CLSTN2: variants seen among roughly 807,000 people sequenced by gnomAD.
CLSTN2 encodes the protein calsyntenin 2.
A neutral mutation model predicts 101.2 loss-of-function variants in CLSTN2; 48 were observed. That is an observed-to-expected ratio of 0.47 (90% CI 0.38 to 0.60). The LOEUF (loss-of-function observed/expected upper bound fraction) is 0.60, where lower values mean the gene tolerates loss of function less well. CLSTN2 is among the 20% of genes least tolerant of loss of function. The pLI, the probability that CLSTN2 is intolerant of heterozygous loss-of-function variation, is 0.00. For synonymous variants in CLSTN2, 481 were observed against 463.6 expected, an observed-to-expected ratio of 1.04 and a Z score of -0.48; for missense variants, 1,160 against 1,238.2, an observed-to-expected ratio of 0.94 and a Z score of 0.95.
intron 2 of CLSTN2, among the ~76,000 whole-genome samples, chr3:140,339,381 G>A (rs748718563): frequency 6.6e-6 from 1 of 152,056 alleles, no homozygotes; most frequent in African/African-American, 2.4e-5. Context: ...GAGGCCCTTT[G>A]GAATTATAGT....
intron 2 of CLSTN2, among the ~76,000 whole-genome samples, chr3:140,236,612 G>A (rs2086419199): frequency 6.6e-6 from 1 of 152,014 alleles, no homozygotes; most frequent in African/African-American, 2.4e-5. Context: ...ATGTTAGGCT[G>A]CTTCTCTTCC....
rs1395952481 is a variant in CLSTN2 at position 140,442,712 on chromosome 3, G to A, written c.788-5807G>A. 2.0e-5 allele frequency among the ~76,000 whole-genome samples: 3 copies of A among 152,158 alleles called. No individual in the cohort carries two copies. The East Asian group carries it at 5.8e-4, about 29-fold the overall frequency. On this transcript the variant is annotated intron_variant, in intron 5 of 16. Coordinates refer to ENST00000458420, the MANE Select transcript of CLSTN2 (RefSeq NM_022131.3). Reference sequence around the variant, plus strand: ...ACCAGGACTAACCCAACTGCTGAATGATGGCTCTGAAGCAGTCTGGATAGT... The same window carrying A: ...ACCAGGACTAACCCAACTGCTGAATAATGGCTCTGAAGCAGTCTGGATAGT...
chr3:140,096,063 G>A (rs535803045), intron 1 of CLSTN2, among the ~76,000 whole-genome samples: 4 of 152,136 alleles, frequency 2.6e-5, no homozygotes, highest in Admixed American at 6.5e-5. Flanking sequence ...AAACAAGAGC[G>A]CCTTTCTCAG....
At chr3:140,158,924 G>A (rs1213762586) in intron 1 of CLSTN2, among the ~76,000 whole-genome samples, 1 of 152,048 alleles carries the variant, frequency 6.6e-6, no homozygotes, top group Non-Finnish European at 1.5e-5. Context: ...GATAAGCAAT[G>A]GGGGAAAGAA....
chr3:140,495,867 C>G (rs1240066409), intron 8 of CLSTN2, among the ~76,000 whole-genome samples: 1 of 151,902 alleles, frequency 6.6e-6, no homozygotes, highest in Non-Finnish European at 1.5e-5. Flanking sequence ...GTTACTGTAC[C>G]CTTGTAGTAT....
intron 2 of CLSTN2, among the ~76,000 whole-genome samples, chr3:140,202,164 A>G (rs747884561): frequency 1.6e-4 from 24 of 152,294 alleles, no homozygotes; most frequent in Non-Finnish European, 2.9e-4. Context: ...CAGGGGTTTG[A>G]GCAGAAGAGT....
intron 1 of CLSTN2, among the ~76,000 whole-genome samples, chr3:140,079,717 C>A (rs2008554005): frequency 6.8e-6 from 1 of 146,684 alleles, no homozygotes; most frequent in Non-Finnish European, 1.5e-5. Context: ...TGCCACTGCA[C>A]TCCAGCCTGG....
intron 1 of CLSTN2, among the ~76,000 whole-genome samples, chr3:140,040,267 C>T (rs1437823338): frequency 1.3e-5 from 2 of 152,126 alleles, no homozygotes; most frequent in African/African-American, 4.8e-5. Context: ...ACTGCGCTAT[C>T]CGTGTGCTCT....
At chr3:140,099,793 T>A (rs1387324286) in intron 1 of CLSTN2, among the ~76,000 whole-genome samples, 1 of 152,190 alleles carries the variant, frequency 6.6e-6, no homozygotes, top group East Asian at 1.9e-4. Context: ...TTGCCAACCC[T>A]GAAGAAAATG....
At chr3:140,309,462 C>A (rs1262482679) in intron 2 of CLSTN2, among the ~76,000 whole-genome samples, 1 of 152,098 alleles carries the variant, frequency 6.6e-6, no homozygotes, top group East Asian at 1.9e-4. Context: ...GAGGCAGGTA[C>A]CCCAGAGGCT....
rs2007685861 is a variant in CLSTN2, at chr3:140,037,845, A to G, written c.109+102362A>G. 3.3e-5 allele frequency among the ~76,000 whole-genome samples: 5 copies of G among 152,064 alleles called. No homozygotes were observed. In the South Asian group the frequency reaches 1.0e-3, roughly 31 times the overall value. On this transcript the variant is annotated intron_variant, in intron 1 of 16. Transcript: ENST00000458420. The stretch of plus-strand genomic sequence containing the variant: ...GTTTGCTGAGGATAGTGGCTTCCAA[A>G]TCTATCCATGTGCCTCCAAAAAACA...
rs1576449445 is a variant in CLSTN2, at chr3:140,158,192, G to A, written c.110-17759G>A. Among the ~76,000 whole-genome samples, 5 of 152,280 alleles carry A rather than the reference G, an allele frequency of 3.3e-5. No individual in the cohort carries two copies. The South Asian group carries it at 1.0e-3, about 32-fold the overall frequency. On this transcript the variant is annotated intron_variant, in intron 1 of 16. Coordinates refer to ENST00000458420, the MANE Select transcript of CLSTN2 (RefSeq NM_022131.3). ...ACCACTCGTATTCAACATAGTACTGGAAGTCCTAGCCAGAGCAATCAGGCA... is the reference window on the plus strand; with the variant it reads ...ACCACTCGTATTCAACATAGTACTGAAAGTCCTAGCCAGAGCAATCAGGCA...
intron 1 of CLSTN2, among the ~76,000 whole-genome samples, chr3:140,160,667 C>T (rs1235468190): frequency 1.3e-5 from 2 of 151,902 alleles, no homozygotes; most frequent in Non-Finnish European, 2.9e-5. Flanking sequence ...TTATTATCCC[C>T]AGAAGTATTG....
intron 1 of CLSTN2, among the ~76,000 whole-genome samples, chr3:140,022,497 G>A (rs1386438608): frequency 6.6e-6 from 1 of 152,212 alleles, no homozygotes; most frequent in East Asian, 1.9e-4. Flanking sequence ...GCGTGTGAGA[G>A]GCCCAGACAG....
chr3:140,319,046 T>G (rs2087258052), intron 2 of CLSTN2, among the ~76,000 whole-genome samples: 1 of 152,222 alleles, frequency 6.6e-6, no homozygotes, highest in African/African-American at 2.4e-5. Context: ...AATTTTATAC[T>G]GTTTACTAAC....
At chr3:140,220,838 A>G (rs1374815015) in intron 2 of CLSTN2, among the ~76,000 whole-genome samples, 1 of 152,332 alleles carries the variant, frequency 6.6e-6, no homozygotes, top group East Asian at 1.9e-4. Flanking sequence ...TGAAACTCAT[A>G]GATGCCTCTA....
chr3:140,004,459 A>G (rs1477746337), intron 1 of CLSTN2, among the ~76,000 whole-genome samples: 2 of 152,184 alleles, frequency 1.3e-5, no homozygotes, highest in Non-Finnish European at 2.9e-5. Context: ...GAAACCCCAT[A>G]CAGCAATCAG....
Position 140,521,311 on chromosome 3 carries a change from G to A in CLSTN2, c.1345-11013G>A, listed in dbSNP as rs181153931. Among the ~76,000 whole-genome samples, 162 of 152,286 alleles carry A rather than the reference G, an allele frequency of 1.1e-3. No individual in the cohort carries two copies. The Middle Eastern group carries it at 0.017, about 16-fold the overall frequency. ...TTTGAGGTTGCTGACCTTTGAATGG[G>A]ATTTTTGTTGATGTTATTTTCTGTT... is the stretch of plus-strand genomic sequence containing the variant. On this transcript the variant is annotated intron_variant, in intron 8 of 16. Transcript: ENST00000458420.
chr3:139,978,616 C>G (rs1309360863), intron 1 of CLSTN2, among the ~76,000 whole-genome samples: 2 of 149,420 alleles, frequency 1.3e-5, no homozygotes, highest in Non-Finnish European at 3.0e-5. Flanking sequence ...TACAATATAA[C>G]TAACTCTGCT....
Sources: gnomAD v4.1 joint callset for allele counts (sites outside exome capture counted in the v4.1 genomes callset) on GRCh38, gnomAD v4.1.1 for gene constraint, MANE v1.5 for transcripts, NCBI Gene and HGNC (gene_info 2026-07-23, HGNC 2026-07-21) for gene names.